Variants in MYO6 observed in about 807,000 individuals in gnomAD.
MYO6 encodes unconventional myosin-VI.
A neutral mutation model predicts 178.7 loss-of-function variants in MYO6; 74 were observed. The ratio of observed to expected loss-of-function variants is 0.41; its 90% CI spans 0.34 to 0.50. The LOEUF (loss-of-function observed/expected upper bound fraction) is 0.50. Ranked by LOEUF, MYO6 falls within the 20% of genes least tolerant of loss-of-function variation. The pLI is 0.09. For synonymous variants in MYO6, 477 were observed against 504.6 expected (o/e 0.95, Z 0.73); for missense variants, 1,330 against 1,547.4 (o/e 0.86, Z 2.36).
In MYO6 at chr6:75,823,423, A is replaced by T. The variant is rs12663203; in HGVS notation, c.187+572A>T. 0.013 allele frequency among the ~76,000 whole-genome samples: 1,999 copies of T among 152,326 alleles called. 74 individuals carry two copies. In the East Asian group the frequency reaches 0.15, roughly 11 times the overall value. On this transcript the variant is annotated intron_variant, in intron 3 of 34. Transcript: ENST00000369977. The stretch of plus-strand genomic sequence containing the variant: ...CTTACATTTTTAAGATTAAGCAGTA[A>T]TCATTTCATATTGGGGGCAGCAGTG...
At chr6:75,819,450 A>G (rs1271056676) in intron 2 of MYO6, among the ~76,000 whole-genome samples, 3 of 152,242 alleles carry the variant, frequency 2.0e-5, no homozygotes, top group Admixed American at 2.0e-4. Context: ...TGGACTGGTC[A>G]TGCACACCTT....
In MYO6 at chr6:75,832,937, T is replaced by C. The variant is rs1773260312; in HGVS notation, c.487T>C (p.Phe163Leu). ...AGCCGGCAAAACAGAAAATACAAAA[T>C]TTGTTCTAAGGTGAGTATTCAGCTA... ...SGAGKTENTK[F>L]VLRYLTESYG... The change falls in exon 6 of 35, where the codon TTT (phenylalanine) becomes CTT (leucine). Residue 163 changes from phenylalanine (F) to leucine (L), a missense_variant. By Grantham distance (22) the Phe-to-Leu change is conservative. Around this residue, in one of 3 missense-constraint regions of MYO6, gnomAD observed 613 missense variants for 816.8 expected, o/e 0.75. Coordinates refer to ENST00000369977, the MANE Select transcript of MYO6 (RefSeq NM_004999.4). 1.2e-6 allele frequency: 2 copies of C among 1,611,006 alleles called. No homozygotes were observed. Among genetic ancestry groups the C allele is most frequent in the African/African-American group, 1.3e-5 (1 of 74,840 alleles).
chr6:75,799,369 G>A (rs1169292748), intron 1 of MYO6, among the ~76,000 whole-genome samples: 1 of 146,186 alleles, frequency 6.8e-6, no homozygotes, highest in Non-Finnish European at 1.5e-5. Flanking sequence ...CACCCCGGAC[G>A]ACAAGAGCAA....
chr6:75,780,587 C>T (rs1021671595), intron 1 of MYO6, among the ~76,000 whole-genome samples: 4 of 152,132 alleles, frequency 2.6e-5, no homozygotes, highest in South Asian at 2.1e-4. Flanking sequence ...ACATCTGTTC[C>T]TCCAGAAACT....
In MYO6 at chr6:75,898,222, G is replaced by A. The variant is rs370065970; in HGVS notation, c.3138-151G>A. 4 of 509,366 alleles carry A rather than the reference G, an allele frequency of 7.9e-6. No homozygotes were observed. The South Asian group carries it at 1.4e-4, about 17-fold the overall frequency. The allele number at this position is 509,366 out of a possible 1,614,324, so 31.6% of individuals were successfully genotyped here. On this transcript the variant is annotated intron_variant, in intron 29 of 34. Transcript: ENST00000369977. ...GTGTTACGGCTAGATTTGTTGAATA[G>A]TATATTCTAGGCATTAACAAAGTAA...
intron 1 of MYO6, among the ~76,000 whole-genome samples, chr6:75,779,947 C>A (rs918805880): frequency 2.6e-5 from 4 of 152,090 alleles, no homozygotes; most frequent in Non-Finnish European, 4.4e-5. Context: ...TATTTTCTTG[C>A]CCTATATCTT....
At chr6:75,848,236 C>T in intron 10 of MYO6, 115 bp from the exon 11 acceptor site, 1 of 930,758 alleles carries the variant, frequency 1.1e-6, no homozygotes, top group Non-Finnish European at 1.7e-6. Context: ...AAGATTTTCC[C>T]ATTGACAGAT....
chr6:75,787,749 T>C (rs1767795735), intron 1 of MYO6, among the ~76,000 whole-genome samples: 1 of 125,458 alleles, frequency 8.0e-6, no homozygotes, highest in South Asian at 2.6e-4. Flanking sequence ...TATATATATA[T>C]ATATATATAT....
Position 75,867,090 on chromosome 6 carries a change from G to C in MYO6, c.1929G>C (p.Val643=). The C allele has an allele frequency of 6.2e-7, 1 of 1,612,874 alleles. No homozygotes were observed. The highest frequency in any genetic ancestry group is 8.5e-7 in the Non-Finnish European group (1 of 1,179,450). ...CAGGAAAACTTAGCTTCATCAGCGT[G>C]GGAAACAAGTTTAAGGTATTTGTGT... is the stretch of plus-strand genomic sequence containing the variant. ...QKAGKLSFIS[V]GNKFKTQLNL... Residue 643 remains valine (V), a synonymous_variant, in exon 18 of 35, where the codon GTG becomes GTC. Coordinates refer to ENST00000369977, the MANE Select transcript of MYO6 (RefSeq NM_004999.4).
Position 75,830,410 on chromosome 6 carries a change from A to G in MYO6, c.262-6A>G, listed in dbSNP as rs1422658309. On this transcript the variant is annotated splice_region_variant and splice_polypyrimidine_tract_variant and intron_variant, in intron 4 of 34. Transcript: ENST00000369977. The stretch of plus-strand genomic sequence containing the variant: ...AATATTTTATGTTTATGCTTTTCGT[A>G]TTTAGACATATGTCGCCAACATTCT... 4 of 1,608,786 alleles carry G rather than the reference A, an allele frequency of 2.5e-6. No individual in the cohort carries two copies. The highest frequency in any genetic ancestry group is 2.2e-5 in the East Asian group (1 of 44,742).
chr6:75,894,987 A>G (rs1779183633), intron 28 of MYO6: 1 of 667,812 alleles, frequency 1.5e-6, no homozygotes, highest in Admixed American at 3.4e-5. Context: ...ACCTCACAAT[A>G]TATGAATTTT....
intron 3 of MYO6, among the ~76,000 whole-genome samples, chr6:75,823,968 G>C (rs1232021135): frequency 6.6e-6 from 1 of 152,150 alleles, no homozygotes; most frequent in Non-Finnish European, 1.5e-5. Context: ...TTCCAAAATT[G>C]CTGGAGAGTT....
At chr6:75,844,420 TA>T (rs1774532198) in intron 9 of MYO6, among the ~76,000 whole-genome samples, 7 of 152,224 alleles carry the variant, frequency 4.6e-5, no homozygotes, top group Admixed American at 3.9e-4. Context: ...AAGCATGTTT[TA>T]AAAAACTGAC....
intron 30 of MYO6, among the ~76,000 whole-genome samples, chr6:75,904,340 T>G (rs1310539989): frequency 1.3e-5 from 2 of 151,776 alleles, no homozygotes; most frequent in African/African-American, 4.8e-5. Flanking sequence ...CTTGGTTCCA[T>G]TCTCCCCGTC....
At chr6:75,828,498 T>C in intron 3 of MYO6, 42 bp from the exon 4 acceptor site, 1 of 1,168,882 alleles carries the variant, frequency 8.6e-7, no homozygotes, top group Non-Finnish European at 1.3e-6. Context: ...ATTTTATTTG[T>C]TTTCTTCAAT....
At chr6:75,831,152 G>A (rs1229966218) in intron 5 of MYO6, among the ~76,000 whole-genome samples, 1 of 152,216 alleles carries the variant, frequency 6.6e-6, no homozygotes, top group East Asian at 1.9e-4. Context: ...AGAGGTTGGA[G>A]GTTTTAGATC....
chr6:75,876,419 A>G (rs1777573168), intron 20 of MYO6, among the ~76,000 whole-genome samples: 1 of 152,208 alleles, frequency 6.6e-6, no homozygotes, highest in Admixed American at 6.5e-5. Flanking sequence ...AAATATGAAG[A>G]TTTATTTGTG....
At chr6:75,894,030 C>A (rs1038794181) in intron 28 of MYO6, among the ~76,000 whole-genome samples, 1 of 152,190 alleles carries the variant, frequency 6.6e-6, no homozygotes, top group South Asian at 2.1e-4. Flanking sequence ...TCCCTGATGT[C>A]TGTGAGGAAG....
chr6:75,822,829 T>A lies in MYO6; in HGVS notation c.165T>A (p.Ser55Arg). 1 of 1,613,332 alleles carries A rather than the reference T, an allele frequency of 6.2e-7. No individual in the cohort carries two copies. The highest frequency in any genetic ancestry group is 8.5e-7 in the Non-Finnish European group (1 of 1,179,536). The change falls in exon 3 of 35, where the codon AGT (serine) becomes AGA (arginine). Residue 55 changes from serine to arginine, a missense_variant. Physicochemically the swap from Ser to Arg is moderately radical, Grantham distance 110. Transcript: ENST00000369977. ...INQVFPAEED[S>R]KKDVEDNCSL... ...AAGTGTTTCCTGCAGAAGAGGACAG[T>A]AAAAAAGATGTGGAAGATAACTGTA...
Sources: allele counts gnomAD v4.1 joint callset (sites outside exome capture counted in the v4.1 genomes callset), GRCh38; gene constraint gnomAD v4.1.1; regional missense constraint gnomAD v4.1.1; transcripts MANE v1.5; gene names NCBI Gene and HGNC (gene_info 2026-07-23, HGNC 2026-07-21).